The following PEMT variants were observed in gnomAD, a reference collection of about 807,000 sequenced individuals.
PEMT encodes the protein phosphatidylethanolamine N-methyltransferase.
PEMT carries 23 observed loss-of-function variants against 27.4 expected under a neutral mutation model. The ratio of observed to expected loss-of-function variants is 0.84; its 90% CI spans 0.60 to 1.19. The LOEUF is 1.19. Among genes scored for constraint, PEMT ranks in the 50% most tolerant of loss-of-function variants. The probability of loss-of-function intolerance (pLI) is 0.00; values close to 1 mark genes in which losing one functional copy is unlikely to be tolerated. For synonymous variants in PEMT, 137 were observed against 139.1 expected, an observed-to-expected ratio of 0.98 and a Z score of 0.11; for missense variants, 307 against 310.1, an observed-to-expected ratio of 0.99 and a Z score of 0.07.
At chr17:17,591,831 G>C (rs1192652467), upstream of PEMT, 8 of 1,399,826 alleles carry the variant, frequency 5.7e-6, no homozygotes, top group African/African-American at 8.8e-5. Flanking sequence ...TAGAGGAGCC[G>C]AGAACTACAA....
Position 17,550,166 on chromosome 17 carries a change from AC to A in PEMT, c.204+26753del, listed in dbSNP as rs1909548659. Among the ~76,000 whole-genome samples the A allele has an allele frequency of 3.3e-5, 5 of 152,098 alleles. No homozygotes were observed. In the South Asian group the frequency reaches 1.0e-3, roughly 32 times the overall value. ...ATGTTCTGTGCTCACTGTGCTCCCCACCACCCCCCTCTGGAACGTGTCCCGT... is the reference window on the plus strand; with the variant it reads ...ATGTTCTGTGCTCACTGTGCTCCCCACACCCCCCTCTGGAACGTGTCCCGT... On this transcript the variant is annotated intron_variant, in intron 2 of 6. Coordinates refer to ENST00000255389, the MANE Select transcript of PEMT (RefSeq NM_148172.3).
chr17:17,576,825 TG>T, intron 2 of PEMT, 94 bp downstream of exon 2: 1 of 966,412 alleles, frequency 1.0e-6, no homozygotes, highest in Non-Finnish European at 1.7e-6. Context: ...TCTGTCTGTC[TG>T]GCCAGCCAGC....
At chr17:17,585,051 T>A (rs1912171051) in intron 1 of PEMT, among the ~76,000 whole-genome samples, 1 of 152,090 alleles carries the variant, frequency 6.6e-6, no homozygotes, top group South Asian at 2.1e-4. Context: ...AGAACTGAGG[T>A]GAGTGGCCAG....
intron 2 of PEMT, among the ~76,000 whole-genome samples, chr17:17,565,494 C>T (rs1376151385): frequency 6.6e-6 from 1 of 152,286 alleles, no homozygotes; most frequent in African/African-American, 2.4e-5. Flanking sequence ...TTACCGTCTC[C>T]TATCTGAGCC....
chr17:17,545,069 G>C (rs1381264404), intron 2 of PEMT, among the ~76,000 whole-genome samples: 1 of 152,214 alleles, frequency 6.6e-6, no homozygotes, highest in Non-Finnish European at 1.5e-5. Context: ...CGGCCACCAA[G>C]GAGCTGTCTG....
Position 17,513,923 on chromosome 17 carries a change from G to A in PEMT, c.321-1269C>T, listed in dbSNP as rs1413042908. Reference sequence around the variant, plus strand: ...GATCTGCTACCTCACGCAGGGCAGCGCCTTTCACACCCAGTCTGTAGACGG... The same window carrying A: ...GATCTGCTACCTCACGCAGGGCAGCACCTTTCACACCCAGTCTGTAGACGG... On this transcript the variant is annotated intron_variant, in intron 3 of 6. Coordinates refer to ENST00000255389, the MANE Select transcript of PEMT (RefSeq NM_148172.3). This position sits in a 1 kb window ranked among gnomAD's most constrained non-coding sequence, Gnocchi z 4.1. 2.6e-5 allele frequency among the ~76,000 whole-genome samples: 4 copies of A among 152,092 alleles called. No homozygotes were observed. The highest frequency in any genetic ancestry group is 2.1e-4 in the South Asian group (1 of 4,820).
intron 2 of PEMT, among the ~76,000 whole-genome samples, chr17:17,538,789 G>T (rs1208121720): frequency 6.6e-6 from 1 of 152,172 alleles, no homozygotes; most frequent in African/African-American, 2.4e-5. Context: ...ATAGCACAAA[G>T]CGTGATCCGC....
chr17:17,508,987 C>T (rs1372581231), intron 5 of PEMT: 1 of 278,026 alleles, frequency 3.6e-6, no homozygotes, highest in African/African-American at 2.3e-5. Context: ...GCCTAGGGGC[C>T]AAGAACGCCT....
At chr17:17,511,693 C>G (rs895399092) in intron 4 of PEMT, among the ~76,000 whole-genome samples, 1 of 152,226 alleles carries the variant, frequency 6.6e-6, no homozygotes, top group East Asian at 1.9e-4. Flanking sequence ...GCGGGCAATG[C>G]GGCCAGCTGG....
chr17:17,515,964 A>G (rs191982161), intron 3 of PEMT, among the ~76,000 whole-genome samples: 2 of 152,210 alleles, frequency 1.3e-5, no homozygotes, highest in East Asian at 3.9e-4. Context: ...AGGGGGCATC[A>G]CTGCCCTCAG....
rs1423993572 is a variant in PEMT at position 17,523,254 on chromosome 17, C to CTG, written c.205-861_205-860dup. Among the ~76,000 whole-genome samples, 1 of 152,204 alleles carries CTG rather than the reference C, an allele frequency of 6.6e-6. No individual in the cohort carries two copies. The highest frequency in any genetic ancestry group is 6.5e-5 in the Admixed American group (1 of 15,290). On this transcript the variant is annotated intron_variant, in intron 2 of 6. Transcript: ENST00000255389. The surrounding 1 kb of genome is among the most constrained non-coding windows in gnomAD (Gnocchi z 4.8). ...TTGTCTGTGGGCCCAGAGTAGGCGC[C>CTG]TGTGTGTGCACAGGAAGAGCCTCAG...
intron 1 of PEMT, chr17:17,577,615 A>G (rs1911697292): frequency 1.5e-6 from 1 of 650,810 alleles, no homozygotes; most frequent in African/African-American, 2.0e-5. Context: ...CTTGCATGAA[A>G]ACGTCAGGAA....
At chr17:17,552,759 T>C (rs551055781) in intron 2 of PEMT, among the ~76,000 whole-genome samples, 12 of 152,182 alleles carry the variant, frequency 7.9e-5, no homozygotes, top group African/African-American at 2.6e-4. Context: ...AGACCCAAGA[T>C]CTAAAATTAG....
At chr17:17,554,180 G>A (rs1189679863) in intron 2 of PEMT, among the ~76,000 whole-genome samples, 6 of 152,250 alleles carry the variant, frequency 3.9e-5, no homozygotes, top group Non-Finnish European at 7.3e-5. Context: ...CATACCTTGT[G>A]CAGAGAAGGT....
chr17:17,527,974 C>A (rs1306885910), intron 2 of PEMT, among the ~76,000 whole-genome samples: 1 of 152,236 alleles, frequency 6.6e-6, no homozygotes, highest in East Asian at 1.9e-4. Flanking sequence ...CAGGACCCCC[C>A]CACCACCTGG....
chr17:17,513,947 G>A lies in PEMT; in HGVS notation c.321-1293C>T, dbSNP rs1597874050. 6.6e-6 allele frequency among the ~76,000 whole-genome samples: 1 copy of A among 152,236 alleles called. No homozygotes were observed. The highest frequency in any genetic ancestry group is 6.5e-5 in the Admixed American group (1 of 15,300). On this transcript the variant is annotated intron_variant, in intron 3 of 6. Coordinates refer to ENST00000255389, the MANE Select transcript of PEMT (RefSeq NM_148172.3). The surrounding 1 kb of genome is among the most constrained non-coding windows in gnomAD (Gnocchi z 4.1). ...CGCCTTTCACACCCAGTCTGTAGAC[G>A]GCATCTCCCAGCAGGGCCAGCTTAC...
chr17:17,573,453 T>A, intron 2 of PEMT, among the ~76,000 whole-genome samples: 1 of 140,130 alleles, frequency 7.1e-6, no homozygotes. Context: ...GGAAACAGAG[T>A]GAGATGCTGT....
intron 2 of PEMT, among the ~76,000 whole-genome samples, chr17:17,544,386 T>A (rs1055265898): frequency 3.3e-5 from 5 of 151,846 alleles, no homozygotes; most frequent in African/African-American, 1.2e-4. Flanking sequence ...GTTCAAGCGA[T>A]TCTCCTGCCT....
chr17:17,562,934 C>T (rs1160604185), intron 2 of PEMT, among the ~76,000 whole-genome samples: 1 of 151,262 alleles, frequency 6.6e-6, no homozygotes, highest in East Asian at 1.9e-4. Context: ...TCCCCACCCA[C>T]CTGACAAGGA....
Sources: gnomAD v4.1 joint callset for allele counts (sites outside exome capture counted in the v4.1 genomes callset) on GRCh38, gnomAD v4.1.1 for gene constraint, Gnocchi (gnomAD v3.1) non-coding constraint, MANE v1.5 for transcripts, NCBI Gene and HGNC (gene_info 2026-07-23, HGNC 2026-07-21) for gene names.